Variants in DPH6 observed in about 807,000 individuals in gnomAD.
DPH6 encodes diphthine--ammonia ligase.
A neutral mutation model predicts 38.2 loss-of-function variants in DPH6; 33 were observed. The observed-to-expected ratio is 0.86, with a 90% confidence interval of 0.65 to 1.15. The LOEUF (loss-of-function observed/expected upper bound fraction) is 1.15. DPH6 is among the 50% of genes most tolerant of loss of function. DPH6 has a pLI of 0.00. For missense variants in DPH6, 325 were observed against 320.0 expected, an observed-to-expected ratio of 1.02 and a Z score of -0.12; for synonymous variants, 108 against 103.0, an observed-to-expected ratio of 1.05 and a Z score of -0.30.
At chr15:35,298,542 T>C (rs1761789666) in intron 3 of DPH6, 1 of 781,822 alleles carries the variant, frequency 1.3e-6, no homozygotes, top group Non-Finnish European at 2.4e-6. Context: ...ACCACTTTAT[T>C]AAGACACTTA....
intron 3 of DPH6, among the ~76,000 whole-genome samples, chr15:35,511,757 A>T (rs540050205): frequency 1.3e-5 from 2 of 152,172 alleles, no homozygotes; most frequent in Non-Finnish European, 2.9e-5. Context: ...TCAAAAGTAC[A>T]AACAAAAATA....
chr15:35,539,014 G>C (rs894823623), intron 2 of DPH6, among the ~76,000 whole-genome samples: 2 of 151,936 alleles, frequency 1.3e-5, no homozygotes, highest in Non-Finnish European at 2.9e-5. Flanking sequence ...AATATTGTTA[G>C]AGCATTAGAG....
chr15:35,282,698 G>A (rs2051907225), intron 3 of DPH6: 2 of 391,744 alleles, frequency 5.1e-6, no homozygotes, highest in Non-Finnish European at 5.3e-6. Context: ...AATTTACATT[G>A]ATGTGCCATG....
At chr15:35,431,175 G>C (rs1489052270) in intron 5 of DPH6, among the ~76,000 whole-genome samples, 1 of 152,080 alleles carries the variant, frequency 6.6e-6, no homozygotes, top group African/African-American at 2.4e-5. Context: ...CGAAGGATAT[G>C]AAAAAAGCTT....
At chr15:35,356,908 C>T (rs1459617582) in intron 3 of DPH6, among the ~76,000 whole-genome samples, 3 of 152,228 alleles carry the variant, frequency 2.0e-5, no homozygotes, top group African/African-American at 7.2e-5. Context: ...AGGCAGGCCT[C>T]CTTGAGCTGC....
intron 3 of DPH6, chr15:35,520,577 A>G (rs2054909807): frequency 1.0e-6 from 1 of 984,670 alleles, no homozygotes; most frequent in Non-Finnish European, 1.2e-6. Flanking sequence ...ACACAGCATA[A>G]AGCTTCTTAT....
At chr15:35,253,343 G>A (rs1430553495) in intron 3 of DPH6, among the ~76,000 whole-genome samples, 2 of 151,936 alleles carry the variant, frequency 1.3e-5, no homozygotes, top group South Asian at 2.1e-4. Context: ...CATTTTTTTC[G>A]GCTAAAGCAA....
intron 6 of DPH6, among the ~76,000 whole-genome samples, chr15:35,384,617 C>T (rs896261822): frequency 7.2e-5 from 11 of 152,010 alleles, no homozygotes; most frequent in African/African-American, 2.4e-4. Flanking sequence ...GAGCCGAGAT[C>T]GCACCATTGC....
At chr15:35,263,940 C>T (rs1325290235) in intron 3 of DPH6, among the ~76,000 whole-genome samples, 1 of 152,080 alleles carries the variant, frequency 6.6e-6, no homozygotes, top group African/African-American at 2.4e-5. Flanking sequence ...GTCTCGATCT[C>T]CTGACCTCGT....
intron 3 of DPH6, among the ~76,000 whole-genome samples, chr15:35,528,751 G>A (rs116185842): frequency 0.015 from 2,309 of 152,174 alleles, 52 homozygotes; most frequent in African/African-American, 0.053. Flanking sequence ...TATCTATTAC[G>A]TTACACAAAA....
At chr15:35,311,716 A>G (rs1239921520) in intron 3 of DPH6, among the ~76,000 whole-genome samples, 2 of 152,220 alleles carry the variant, frequency 1.3e-5, no homozygotes, top group African/African-American at 2.4e-5. Context: ...TTAAATGAGT[A>G]TAAGTTACAA....
At chr15:35,146,097 G>C in the DPH6 span, among the ~76,000 whole-genome samples, 1 of 151,658 alleles carries the variant, frequency 6.6e-6, no homozygotes, top group Non-Finnish European at 1.5e-5. Context: ...GTGTGTGTGT[G>C]TGTGTGTGTG....
At chr15:35,535,721 C>T (rs2055158833) in intron 3 of DPH6, among the ~76,000 whole-genome samples, 1 of 152,106 alleles carries the variant, frequency 6.6e-6, no homozygotes, top group Non-Finnish European at 1.5e-5. Context: ...AGATTAGCCA[C>T]ATGAAAAATC....
intron 3 of DPH6, among the ~76,000 whole-genome samples, chr15:35,532,807 T>TA (rs1475186256): frequency 6.6e-6 from 1 of 151,208 alleles, no homozygotes; most frequent in Non-Finnish European, 1.5e-5. Context: ...GAGAAGAGAT[T>TA]AAAAAAGAAG....
intron 3 of DPH6, among the ~76,000 whole-genome samples, chr15:35,531,952 G>A (rs1364835935): frequency 6.6e-6 from 1 of 152,142 alleles, no homozygotes; most frequent in Non-Finnish European, 1.5e-5. Context: ...GCCTAATGAT[G>A]CAATGAGACC....
intron 6 of DPH6, among the ~76,000 whole-genome samples, chr15:35,383,199 T>A (rs1047018864): frequency 3.3e-5 from 5 of 152,230 alleles, no homozygotes; most frequent in Admixed American, 6.5e-5. Context: ...ACTACATTTT[T>A]AAATTAAATT....
At chr15:35,397,137 A>G (rs1595529105) in intron 6 of DPH6, among the ~76,000 whole-genome samples, 2 of 152,250 alleles carry the variant, frequency 1.3e-5, no homozygotes, top group East Asian at 1.9e-4. Flanking sequence ...ATGCCCTAAC[A>G]ACCTTTAAGC....
At chr15:35,250,047 G>A (rs891073106) in intron 3 of DPH6, among the ~76,000 whole-genome samples, 1 of 151,792 alleles carries the variant, frequency 6.6e-6, no homozygotes, top group Admixed American at 6.6e-5. Flanking sequence ...ACAGGGTGGT[G>A]GGCACCTGTA....
chr15:35,446,362 C>G (rs1408181571), intron 5 of DPH6, among the ~76,000 whole-genome samples: 1 of 151,366 alleles, frequency 6.6e-6, no homozygotes, highest in Non-Finnish European at 1.5e-5. Flanking sequence ...TCCCAAGTAG[C>G]TGGGATTACA....
Sources: gnomAD v4.1 joint callset for allele counts (sites outside exome capture counted in the v4.1 genomes callset) on GRCh38, gnomAD v4.1.1 for gene constraint, MANE v1.5 for transcripts, NCBI Gene and HGNC (gene_info 2026-07-23, HGNC 2026-07-21) for gene names.